Variants in SPTBN1 observed in about 807,000 individuals in gnomAD.
SPTBN1 encodes the protein spectrin beta, non-erythrocytic 1, also known as spectrin beta chain, non-erythrocytic 1.
Under a neutral mutation model 266.4 loss-of-function variants are expected in SPTBN1, and 32 were observed. That is an observed-to-expected ratio of 0.12 (90% CI 0.09 to 0.16). SPTBN1 has a LOEUF of 0.16. Among genes scored for constraint, SPTBN1 ranks in the 10% least tolerant of loss-of-function variants. SPTBN1 has a pLI of 1.00. For missense variants in SPTBN1, 2,296 were observed against 3,067.1 expected, an observed-to-expected ratio of 0.75 and a Z score of 5.94; for synonymous variants, 1,336 against 1,162.2, an observed-to-expected ratio of 1.15 and a Z score of -3.04.
intron 2 of SPTBN1, among the ~76,000 whole-genome samples, chr2:54,542,956 C>T (rs1328935166): frequency 6.6e-6 from 1 of 152,194 alleles, no homozygotes; most frequent in East Asian, 1.9e-4. Context: ...TTTCTTAGCT[C>T]ATATTTGTCT....
intron 2 of SPTBN1, among the ~76,000 whole-genome samples, chr2:54,539,778 G>A (rs1412299319): frequency 6.6e-6 from 1 of 152,198 alleles, no homozygotes; most frequent in African/African-American, 2.4e-5. Context: ...CTGGGCTCAA[G>A]AAATCAGCCC....
At chr2:54,647,814 G>C (rs1467540323) in intron 24 of SPTBN1, among the ~76,000 whole-genome samples, 1 of 152,196 alleles carries the variant, frequency 6.6e-6, no homozygotes, top group East Asian at 1.9e-4. Context: ...CTGCACTCCA[G>C]CCTGGGTGAC....
At chr2:54,622,785 A>G (rs905748279) in intron 9 of SPTBN1, among the ~76,000 whole-genome samples, 4 of 152,184 alleles carry the variant, frequency 2.6e-5, no homozygotes, top group Admixed American at 1.3e-4. Context: ...TCAGGATTCC[A>G]TAATTTTTGG....
intron 35 of SPTBN1, among the ~76,000 whole-genome samples, chr2:54,667,913 G>A (rs548216746): frequency 1.3e-5 from 2 of 152,322 alleles, no homozygotes; most frequent in East Asian, 3.9e-4. Flanking sequence ...ATAGTGAGGT[G>A]GTCCCAGGAC....
At chr2:54,471,201 T>C (rs1292686815) in intron 1 of SPTBN1, among the ~76,000 whole-genome samples, 3 of 152,164 alleles carry the variant, frequency 2.0e-5, no homozygotes, top group Non-Finnish European at 4.4e-5. Flanking sequence ...TTGGGCGACA[T>C]GGTGAGACCT....
chr2:54,660,069 C>G, intron 32 of SPTBN1, 70 bp downstream of exon 32: 1 of 1,614,226 alleles, frequency 6.2e-7, no homozygotes, highest in Non-Finnish European at 8.5e-7. Context: ...CAGTGACCAG[C>G]CATGGTCTGG....
intron 12 of SPTBN1, among the ~76,000 whole-genome samples, chr2:54,627,581 A>G (rs1678436835): frequency 6.6e-6 from 1 of 152,212 alleles, no homozygotes; most frequent in Admixed American, 6.5e-5. Context: ...GTAGAGGCAT[A>G]CCAATAAGCT....
At chr2:54,635,721 A>G (rs902479020) in intron 17 of SPTBN1, among the ~76,000 whole-genome samples, 2 of 152,216 alleles carry the variant, frequency 1.3e-5, no homozygotes, top group Non-Finnish European at 2.9e-5. Flanking sequence ...ATGCCATGCC[A>G]AAGGGAATGG....
chr2:54,479,059 GA>G (rs1558762007), intron 1 of SPTBN1, among the ~76,000 whole-genome samples: 1 of 152,132 alleles, frequency 6.6e-6, no homozygotes, highest in Admixed American at 6.5e-5. Flanking sequence ...CAGGCTGAAG[GA>G]AAGTAAAGGT....
chr2:54,654,339 A>G (rs17046077), intron 27 of SPTBN1, among the ~76,000 whole-genome samples: 24,774 of 152,078 alleles, frequency 0.16, 2,118 homozygotes, highest in Middle Eastern at 0.2. Context: ...TCCTTGGGTT[A>G]TTATTTAATA....
chr2:54,627,306 A>G (rs1319638169), intron 12 of SPTBN1, among the ~76,000 whole-genome samples: 1 of 152,196 alleles, frequency 6.6e-6, no homozygotes, highest in Non-Finnish European at 1.5e-5. Context: ...CATGATGCAC[A>G]TTGTAACTCA....
At chr2:54,625,810 C>G in intron 11 of SPTBN1, 122 bp from the exon 12 acceptor site, 1 of 1,084,288 alleles carries the variant, frequency 9.2e-7, no homozygotes, top group Non-Finnish European at 1.3e-6. Context: ...AGGCTAGTCT[C>G]GAACTCCTGA....
rs1158732747 is a variant in SPTBN1, at chr2:54,622,296, C to A, written c.877-4C>A. On this transcript the variant is annotated splice_polypyrimidine_tract_variant and splice_region_variant and intron_variant, in intron 8 of 35. Transcript: ENST00000356805. ...TTTTCAATTTTTCTATCCCTTGTTG[C>A]CAGGTGCTTGACAATGCTATTGAAA... is the stretch of plus-strand genomic sequence containing the variant. 6.2e-7 allele frequency: 1 copy of A among 1,611,780 alleles called. No homozygotes were observed. The highest frequency in any genetic ancestry group is 8.5e-7 in the Non-Finnish European group (1 of 1,178,756).
chr2:54,563,114 C>T (rs112705682), intron 2 of SPTBN1, among the ~76,000 whole-genome samples: 16 of 152,132 alleles, frequency 1.1e-4, no homozygotes, highest in Non-Finnish European at 1.5e-5. Flanking sequence ...CTGTAACTTT[C>T]TCCTTTCAGA....
chr2:54,621,894 A>T (rs1251783776), intron 8 of SPTBN1, among the ~76,000 whole-genome samples: 4 of 152,202 alleles, frequency 2.6e-5, no homozygotes, highest in Non-Finnish European at 5.9e-5. Context: ...TTTTCAAAAC[A>T]CCTCAGACCA....
At chr2:54,612,378 C>T (rs776485170) in intron 4 of SPTBN1, 44 bp downstream of exon 4, 3 of 1,570,818 alleles carry the variant, frequency 1.9e-6, no homozygotes, top group Admixed American at 3.6e-5. Context: ...AGGCCGACCT[C>T]TCAGGTATGA....
In SPTBN1 at chr2:54,622,349, C is replaced by T. The variant is rs747413180; in HGVS notation, c.926C>T (p.Ser309Leu). The change falls in exon 9 of 36, where the codon TCA becomes TTA. Residue 309 changes from serine to leucine, a missense_variant. Coordinates refer to ENST00000356805, the MANE Select transcript of SPTBN1 (RefSeq NM_003128.3). ...ETEKMIEKYE[S>L]LASDLLEWIE... ...GAAAAAATGATTGAAAAGTATGAAT[C>T]ACTTGCCTCTGACCTTCTGGAATGG... The T allele has an allele frequency of 6.2e-7, 1 of 1,614,034 alleles. No homozygotes were observed. The highest frequency in any genetic ancestry group is 8.5e-7 in the Non-Finnish European group (1 of 1,180,024).
chr2:54,479,215 T>C (rs1180205750), intron 1 of SPTBN1, among the ~76,000 whole-genome samples: 1 of 152,194 alleles, frequency 6.6e-6, no homozygotes, highest in African/African-American at 2.4e-5. Flanking sequence ...GTGTTGTGTA[T>C]AGCAATGATT....
chr2:54,595,172 C>T (rs2103647990), intron 2 of SPTBN1, among the ~76,000 whole-genome samples: 1 of 152,302 alleles, frequency 6.6e-6, no homozygotes, highest in South Asian at 2.1e-4. Flanking sequence ...TATTTCTTTG[C>T]TGGAGAAAAG....
Sources: allele counts gnomAD v4.1 joint callset (sites outside exome capture counted in the v4.1 genomes callset), GRCh38; gene constraint gnomAD v4.1.1; transcripts MANE v1.5; gene names NCBI Gene and HGNC (gene_info 2026-07-23, HGNC 2026-07-21).